The following ARHGAP6 variants were observed in gnomAD, a reference collection of about 807,000 sequenced individuals.
The protein encoded by ARHGAP6 is Rho GTPase activating protein 6.
A neutral mutation model predicts 55.7 loss-of-function variants in ARHGAP6; 16 were observed. That is an observed-to-expected ratio of 0.29 (90% CI 0.19 to 0.44). The LOEUF (loss-of-function observed/expected upper bound fraction) is 0.44, where lower values mean the gene tolerates loss of function less well. Ranked by LOEUF, ARHGAP6 falls within the 20% of genes least tolerant of loss-of-function variation. The probability of loss-of-function intolerance (pLI) is 1.00; values close to 1 mark genes in which losing one functional copy is unlikely to be tolerated. For synonymous variants in ARHGAP6, 382 were observed against 360.9 expected, an observed-to-expected ratio of 1.06 and a Z score of -0.66; for missense variants, 698 against 808.9, an observed-to-expected ratio of 0.86 and a Z score of 1.66.
chrX:11,594,299 A>G (rs1340908067), intron 1 of ARHGAP6, among the ~76,000 whole-genome samples: 1 of 102,086 alleles, frequency 9.8e-6, no homozygotes, highest in Non-Finnish European at 2.0e-5. Context: ...TTGACCCTAC[A>G]GGTCTCAGTT....
chrX:11,220,751 C>G (rs2046958013), intron 2 of ARHGAP6, among the ~76,000 whole-genome samples: 1 of 108,998 alleles, frequency 9.2e-6, no homozygotes, highest in South Asian at 4.3e-4. Flanking sequence ...CAGCTAACAT[C>G]ATAATGACAG....
chrX:11,504,685 AC>A (rs971494984), intron 1 of ARHGAP6, among the ~76,000 whole-genome samples: 1 of 112,008 alleles, frequency 8.9e-6, no homozygotes, highest in East Asian at 2.8e-4. Context: ...ACACATACAC[AC>A]CCACTGGCTT....
intron 1 of ARHGAP6, among the ~76,000 whole-genome samples, chrX:11,519,569 C>G (rs1163267523): frequency 2.7e-5 from 3 of 111,046 alleles, no homozygotes; most frequent in Admixed American, 1.9e-4. Context: ...AGGCATCACA[C>G]TACCTAACTT....
chrX:11,622,024 T>G (rs916085855), intron 1 of ARHGAP6, among the ~76,000 whole-genome samples: 5 of 111,812 alleles, frequency 4.5e-5, no homozygotes, highest in African/African-American at 1.6e-4. Context: ...CAATATAAAA[T>G]TCTACTCCCA....
chrX:11,477,174 A>G (rs984297692), intron 1 of ARHGAP6, among the ~76,000 whole-genome samples: 5 of 92,907 alleles, frequency 5.4e-5, no homozygotes, highest in Admixed American at 1.3e-4. Flanking sequence ...AAAAAAAAAA[A>G]CAATTTTTCA....
intron 1 of ARHGAP6, among the ~76,000 whole-genome samples, chrX:11,628,134 G>A (rs946384027): frequency 8.9e-6 from 1 of 111,830 alleles, no homozygotes; most frequent in African/African-American, 3.2e-5. Flanking sequence ...TGTTTATTAG[G>A]CCACAGCTTT....
chrX:11,532,177 C>T (rs58365787), intron 1 of ARHGAP6, among the ~76,000 whole-genome samples: 11,355 of 111,800 alleles, frequency 0.1, 707 homozygotes, highest in African/African-American at 0.22. Flanking sequence ...TCATTATTAA[C>T]TGATGCCATT....
At chrX:11,230,610 A>AGT (rs3030687) in intron 2 of ARHGAP6, among the ~76,000 whole-genome samples, 22,197 of 97,900 alleles carry the variant, frequency 0.23, 2,290 homozygotes, top group East Asian at 0.57. Context: ...AGTTATTAGG[A>AGT]GTGTGTGTGT....
At chrX:11,217,426 A>G (rs1360328292) in intron 2 of ARHGAP6, among the ~76,000 whole-genome samples, 2 of 112,386 alleles carry the variant, frequency 1.8e-5, no homozygotes, top group Admixed American at 9.4e-5. Context: ...ATGAAATGGT[A>G]TCTCATTGTG....
intron 9 of ARHGAP6, among the ~76,000 whole-genome samples, chrX:11,163,006 AGAAAC>A (rs1413123306): frequency 8.9e-6 from 1 of 112,290 alleles, no homozygotes; most frequent in Non-Finnish European, 1.9e-5. Context: ...GTTAAAAAGA[AGAAAC>A]GAAACCCAGC....
intron 1 of ARHGAP6, among the ~76,000 whole-genome samples, chrX:11,567,476 C>A (rs1807167749): frequency 9.5e-6 from 1 of 104,812 alleles, no homozygotes; most frequent in African/African-American, 3.5e-5. Flanking sequence ...ATGGCATGAA[C>A]CTGGGAGGTG....
intron 1 of ARHGAP6, among the ~76,000 whole-genome samples, chrX:11,295,366 C>T (rs2048066151): frequency 9.0e-6 from 1 of 111,532 alleles, no homozygotes; most frequent in African/African-American, 3.3e-5. Flanking sequence ...AGAGGCCCCA[C>T]CCCTTTGGGT....
chrX:11,470,999 A>C (rs2050341779), intron 1 of ARHGAP6, among the ~76,000 whole-genome samples: 1 of 111,962 alleles, frequency 8.9e-6, no homozygotes, highest in Non-Finnish European at 1.9e-5. Context: ...CTCTATTCAT[A>C]TTAAATATAA....
At chrX:11,513,426 G>C (rs1041083968) in intron 1 of ARHGAP6, among the ~76,000 whole-genome samples, 3 of 111,929 alleles carry the variant, frequency 2.7e-5, no homozygotes, top group Non-Finnish European at 5.6e-5. Flanking sequence ...TCAAGACCAC[G>C]TTTACAGAGA....
intron 2 of ARHGAP6, among the ~76,000 whole-genome samples, chrX:11,249,425 A>G (rs2047394700): frequency 9.0e-6 from 1 of 111,723 alleles, no homozygotes; most frequent in African/African-American, 3.3e-5. Context: ...CATGGAAATA[A>G]TAAATAAATA....
At chrX:11,232,084 AT>A (rs1349376654) in intron 2 of ARHGAP6, among the ~76,000 whole-genome samples, 1 of 112,243 alleles carries the variant, frequency 8.9e-6, no homozygotes, top group African/African-American at 3.2e-5. Context: ...ACTTTTATCA[AT>A]TTTTTGTGTT....
chrX:11,602,219 A>G (rs781548022), intron 1 of ARHGAP6, among the ~76,000 whole-genome samples: 12 of 112,168 alleles, frequency 1.1e-4, no homozygotes, highest in Non-Finnish European at 2.1e-4. Flanking sequence ...CTTAATAAAA[A>G]AAGCAATACC....
intron 1 of ARHGAP6, among the ~76,000 whole-genome samples, chrX:11,658,485 C>A (rs949735592): frequency 2.7e-5 from 3 of 110,525 alleles, no homozygotes; most frequent in Non-Finnish European, 5.7e-5. Flanking sequence ...TTGAAGCTGT[C>A]TTATTCTAAT....
At chrX:11,401,828 T>C (rs986958117) in intron 1 of ARHGAP6, among the ~76,000 whole-genome samples, 3 of 112,719 alleles carry the variant, frequency 2.7e-5, no homozygotes, top group East Asian at 2.8e-4. Flanking sequence ...AACCATATGA[T>C]TGTATATATT....
Sources: allele counts gnomAD v4.1 joint callset (sites outside exome capture counted in the v4.1 genomes callset), GRCh38; gene constraint gnomAD v4.1.1; transcripts MANE v1.5; gene names NCBI Gene and HGNC (gene_info 2026-07-23, HGNC 2026-07-21).